PDXDC1: variants seen among roughly 807,000 people sequenced by gnomAD.
The protein encoded by PDXDC1 is pyridoxal-dependent decarboxylase domain-containing protein 1.
A neutral mutation model predicts 100.1 loss-of-function variants in PDXDC1; 42 were observed. The ratio of observed to expected loss-of-function variants is 0.42; its 90% CI spans 0.33 to 0.54. The LOEUF (loss-of-function observed/expected upper bound fraction) is 0.54, where lower values mean the gene tolerates loss of function less well. PDXDC1 is among the 20% of genes least tolerant of loss of function. PDXDC1 has a pLI of 0.10. For missense variants in PDXDC1, 636 were observed against 979.2 expected (o/e 0.65, Z 4.68); for synonymous variants, 260 against 371.7 (o/e 0.70, Z 3.46).
intron 16 of PDXDC1, among the ~76,000 whole-genome samples, chr16:15,052,970 AG>A (rs2044356561): frequency 6.6e-6 from 1 of 152,180 alleles, no homozygotes; most frequent in African/African-American, 2.4e-5. Flanking sequence ...TGACTAAGGG[AG>A]GGCTCTAAAC....
At chr16:15,145,258 A>T in the PDXDC1 span, among the ~76,000 whole-genome samples, 10 of 152,334 alleles carry the variant, frequency 6.6e-5, no homozygotes, top group African/African-American at 2.4e-4. Flanking sequence ...AGCAGCACAG[A>T]TCCAGCGGGG....
chr16:15,101,316 G>A (rs1168055711), intron 16 of PDXDC1, among the ~76,000 whole-genome samples: 2 of 151,726 alleles, frequency 1.3e-5, no homozygotes, highest in Middle Eastern at 3.4e-3. Context: ...GGTCTTTTTT[G>A]TTTGTTTGTT....
downstream of PDXDC1, among the ~76,000 whole-genome samples, chr16:15,143,428 T>C (rs2457523): frequency 6.6e-6 from 1 of 152,192 alleles, no homozygotes; most frequent in East Asian, 1.9e-4. Flanking sequence ...GCCCGAGGTA[T>C]CTGACACGTG....
chr16:14,979,155 C>A (rs1308554207), intron 1 of PDXDC1, among the ~76,000 whole-genome samples: 1 of 152,282 alleles, frequency 6.6e-6, no homozygotes, highest in Non-Finnish European at 1.5e-5. Flanking sequence ...ATTTAAAATT[C>A]ATTTCCTCAG....
chr16:15,076,597 A>G (rs764541722), intron 16 of PDXDC1: 3 of 1,613,570 alleles, frequency 1.9e-6, no homozygotes. Flanking sequence ...TCCCACCACA[A>G]GTTTGAGTTG....
At chr16:15,012,657 C>T (rs990019847) in intron 8 of PDXDC1, among the ~76,000 whole-genome samples, 1 of 152,242 alleles carries the variant, frequency 6.6e-6, no homozygotes, top group African/African-American at 2.4e-5. Flanking sequence ...CCAGCCTGGG[C>T]AACATGGCGA....
At chr16:15,041,676 C>G, downstream of PDXDC1, 2 of 1,606,824 alleles carry the variant, frequency 1.2e-6, no homozygotes. Context: ...GTCAAATTCA[C>G]CTATGATGAG....
rs1351033455 is a variant in PDXDC1, at chr16:15,094,025, T to C, written c.1400-44854T>C. The C allele has an allele frequency of 3.9e-5, 33 of 856,248 alleles. No homozygotes were observed. The East Asian group carries it at 8.2e-4, about 21-fold the overall frequency. The allele number at this position is 856,248 out of a possible 1,614,324, so 53.0% of individuals were successfully genotyped here. A position where few individuals can be genotyped will look rare whatever the true frequency, so the allele number is the denominator to read the frequency against. On this transcript the variant is annotated intron_variant, in intron 16 of 16. Coordinates refer to the PDXDC1 transcript ENST00000535621. ...CATTTCTGTGAACGTGAGATGACCC[T>C]CCACCCCGTGCTCCTATCACACGCC...
Position 15,097,381 on chromosome 16 carries a change from T to C in PDXDC1, c.1400-41498T>C, listed in dbSNP as rs1022899724. Among the ~76,000 whole-genome samples the C allele has an allele frequency of 2.7e-5, 4 of 148,486 alleles. No individual in the cohort carries two copies. The Admixed American group carries it at 2.8e-4, about 10-fold the overall frequency. On this transcript the variant is annotated intron_variant, in intron 16 of 16. Transcript: ENST00000535621. The stretch of plus-strand genomic sequence containing the variant: ...GGCTCCTGCCTGTAATCCCAGCACT[T>C]TGGGAGGCCGAGGCAGGCGGATCAC...
chr16:14,999,907 A>T (rs1290860343), intron 3 of PDXDC1, among the ~76,000 whole-genome samples: 1 of 152,254 alleles, frequency 6.6e-6, no homozygotes, highest in Non-Finnish European at 1.5e-5. Context: ...AAACAGTACA[A>T]CTCCCTTAAA....
intron 16 of PDXDC1, chr16:15,133,788 T>C (rs555029339): frequency 2.1e-4 from 333 of 1,574,088 alleles, no homozygotes; most frequent in East Asian, 2.8e-4. Context: ...AGCAGGCCTG[T>C]ACTCACCCGT....
the PDXDC1 span, among the ~76,000 whole-genome samples, chr16:15,144,578 C>G: frequency 6.6e-6 from 1 of 152,140 alleles, no homozygotes; most frequent in Non-Finnish European, 1.5e-5. Flanking sequence ...GTCCCGGACA[C>G]GGGGTGTGAG....
intron 8 of PDXDC1, among the ~76,000 whole-genome samples, chr16:15,012,907 C>T (rs1412186381): frequency 1.3e-5 from 2 of 152,170 alleles, no homozygotes; most frequent in Admixed American, 1.3e-4. Context: ...CACAGTGACT[C>T]AAGCCTGTAA....
At chr16:15,057,461 G>A (rs1160242271) in intron 16 of PDXDC1, among the ~76,000 whole-genome samples, 1 of 152,204 alleles carries the variant, frequency 6.6e-6, no homozygotes, top group Non-Finnish European at 1.5e-5. Context: ...ATAAGTAGTA[G>A]AACGAAGACT....
chr16:14,977,677 A>G (rs1967011615), intron 1 of PDXDC1, among the ~76,000 whole-genome samples: 1 of 152,390 alleles, frequency 6.6e-6, no homozygotes, highest in African/African-American at 2.4e-5. Context: ...GCATTGCTGT[A>G]ATATGAATGT....
Position 15,036,401 on chromosome 16 carries a change from C to T in PDXDC1, c.*126C>T. ...TGTTTGTGCTTCACTGGGATTTTGG[C>T]ACAAATATGTGCCTGAAAGGTAGGC... On this transcript the variant is annotated 3_prime_UTR_variant, in exon 23 of 23. Transcript: ENST00000396410. The T allele has an allele frequency of 1.0e-6, 1 of 964,956 alleles. No homozygotes were observed. Among genetic ancestry groups the T allele is most frequent in the Non-Finnish European group, 1.6e-6 (1 of 644,660 alleles). The allele number at this position is 964,956 out of a possible 1,614,324, so 59.8% of individuals were successfully genotyped here.
chr16:14,995,541 G>C (rs557026826), intron 1 of PDXDC1, among the ~76,000 whole-genome samples: 2 of 152,280 alleles, frequency 1.3e-5, no homozygotes, highest in African/African-American at 4.8e-5. Context: ...GATTCAGTTT[G>C]CCAGTGTTTT....
At chr16:15,074,702 A>T (rs747390843) in intron 16 of PDXDC1, 51 of 1,600,798 alleles carry the variant, frequency 3.2e-5, no homozygotes, top group East Asian at 2.5e-4. Context: ...TGTTCAATAA[A>T]CAGTAGCTAC....
intron 16 of PDXDC1, chr16:15,094,175 G>A (rs1008530139): frequency 7.5e-6 from 12 of 1,602,446 alleles, no homozygotes; most frequent in African/African-American, 1.3e-5. Context: ...CTTCTTAACT[G>A]CAGAGGACGA....
Sources: allele counts gnomAD v4.1 joint callset (sites outside exome capture counted in the v4.1 genomes callset), GRCh38; gene constraint gnomAD v4.1.1; transcripts MANE v1.5; gene names NCBI Gene and HGNC (gene_info 2026-07-23, HGNC 2026-07-21).